The following UBE2E3 variants were observed in gnomAD, a reference collection of about 807,000 sequenced individuals.
UBE2E3 encodes the protein ubiquitin conjugating enzyme E2 E3, also known as ubiquitin-conjugating enzyme E2 E3.
In UBE2E3, 5 loss-of-function variants were observed where a neutral mutation model predicts 23.6. The ratio of observed to expected loss-of-function variants is 0.21; its 90% confidence interval spans 0.11 to 0.44. The LOEUF is 0.44. UBE2E3 is among the 20% of genes least tolerant of loss of function. The pLI, the probability that UBE2E3 is intolerant of heterozygous loss-of-function variation, is 0.99. For synonymous variants in UBE2E3, 78 were observed against 87.5 expected, an observed-to-expected ratio of 0.89 and a Z score of 0.60; for missense variants, 81 against 249.8, an observed-to-expected ratio of 0.32 and a Z score of 4.55.
intron 3 of UBE2E3, among the ~76,000 whole-genome samples, chr2:181,014,431 G>A (rs755834753): frequency 3.3e-5 from 5 of 152,122 alleles, no homozygotes; most frequent in Admixed American, 2.0e-4. Flanking sequence ...GAGTGTAAAC[G>A]GAGAGGATGA....
At chr2:181,053,011 T>C (rs1686887907) in intron 3 of UBE2E3, among the ~76,000 whole-genome samples, 1 of 151,890 alleles carries the variant, frequency 6.6e-6, no homozygotes, top group Admixed American at 6.6e-5. Flanking sequence ...CTTAGTCATT[T>C]CTTAGTCGTT....
intron 3 of UBE2E3, among the ~76,000 whole-genome samples, chr2:181,032,109 A>G (rs1359032080): frequency 6.6e-6 from 1 of 152,230 alleles, no homozygotes; most frequent in Non-Finnish European, 1.5e-5. Flanking sequence ...TCCCTGAAGA[A>G]GCAAAAGTTG....
intron 3 of UBE2E3, among the ~76,000 whole-genome samples, chr2:181,041,707 A>G (rs947112537): frequency 6.1e-4 from 5 of 8,154 alleles, no homozygotes; most frequent in Non-Finnish European, 8.0e-4. Flanking sequence ...GAGTGCTGGG[A>G]TTGATTACAG....
At chr2:180,990,108 T>A in intron 3 of UBE2E3, 1 of 989,270 alleles carries the variant, frequency 1.0e-6, no homozygotes, top group Non-Finnish European at 1.4e-6. Context: ...TTCAAACTTT[T>A]AACCTTTCTT....
In UBE2E3 at chr2:181,010,648, A is replaced by T. The variant is rs146377913; in HGVS notation, c.245+26555A>T. Among the ~76,000 whole-genome samples, 239 of 152,292 alleles carry T rather than the reference A, an allele frequency of 1.6e-3. 1 individual carries two copies. Among genetic ancestry groups the T allele is most frequent in the African/African-American group, 5.3e-3 (219 of 41,572 alleles). ...TTTTCCAAATGTCATCTTATACTTT[A>T]CTTTTTCTACATTTGTATAAACAGT... On this transcript the variant is annotated intron_variant, in intron 3 of 5. Coordinates refer to ENST00000410062, the MANE Select transcript of UBE2E3 (RefSeq NM_006357.4).
intron 3 of UBE2E3, among the ~76,000 whole-genome samples, chr2:181,018,562 T>A (rs1685569239): frequency 6.6e-6 from 1 of 151,560 alleles, no homozygotes; most frequent in Non-Finnish European, 1.5e-5. Flanking sequence ...GCCCTTTTTA[T>A]TTGCTGATCT....
At chr2:181,008,615 G>T (rs1053672298) in intron 3 of UBE2E3, among the ~76,000 whole-genome samples, 1 of 152,220 alleles carries the variant, frequency 6.6e-6, no homozygotes, top group Non-Finnish European at 1.5e-5. Flanking sequence ...GGCAGCCCCA[G>T]GTTCTAGCAG....
At chr2:181,034,142 A>G (rs1686182954) in intron 3 of UBE2E3, among the ~76,000 whole-genome samples, 1 of 152,224 alleles carries the variant, frequency 6.6e-6, no homozygotes, top group Non-Finnish European at 1.5e-5. Context: ...ATCTTGAACT[A>G]GAAATACCAT....
rs191422381 is a variant in UBE2E3 at position 181,058,741 on chromosome 2, C to G, written c.378+916C>G. Among the ~76,000 whole-genome samples, 293 of 151,792 alleles carry G rather than the reference C, an allele frequency of 1.9e-3. 2 individuals are homozygous for G. The highest frequency in any genetic ancestry group is 6.8e-3 in the African/African-American group (281 of 41,450). On this transcript the variant is annotated intron_variant, in intron 4 of 5. Coordinates refer to ENST00000410062, the MANE Select transcript of UBE2E3 (RefSeq NM_006357.4). ...TAGCCTGTGTGTATATGTATATGTGCACATAAACGGATTTATTTTGTGAAT... is the reference window on the plus strand; with the variant it reads ...TAGCCTGTGTGTATATGTATATGTGGACATAAACGGATTTATTTTGTGAAT...
intron 5 of UBE2E3, 59 bp from the exon 6 acceptor site, chr2:181,062,732 A>G: frequency 1.0e-6 from 1 of 977,568 alleles, no homozygotes; most frequent in South Asian, 1.5e-5. Context: ...AGAATATTAG[A>G]ACTATACCTT....
chr2:180,986,657 T>C (rs1684480352), intron 3 of UBE2E3, among the ~76,000 whole-genome samples: 1 of 152,124 alleles, frequency 6.6e-6, no homozygotes, highest in Non-Finnish European at 1.5e-5. Flanking sequence ...TGAATTCATA[T>C]TGCCTGAGAT....
chr2:181,015,608 G>T (rs542933339), intron 3 of UBE2E3, among the ~76,000 whole-genome samples: 9 of 152,106 alleles, frequency 5.9e-5, no homozygotes, highest in Admixed American at 5.9e-4. Flanking sequence ...AAGGTAAGAT[G>T]ATTTTTTACT....
chr2:180,989,896 C>A, intron 3 of UBE2E3: 1 of 1,547,588 alleles, frequency 6.5e-7, no homozygotes, highest in Non-Finnish European at 8.7e-7. Context: ...ATCAGCAAGT[C>A]TTGCATAGAG....
chr2:180,987,250 A>G lies in UBE2E3; in HGVS notation c.245+3157A>G, dbSNP rs1249009649. 7.0e-6 allele frequency: 10 copies of G among 1,423,966 alleles called. No individual in the cohort carries two copies. In the African/African-American group the frequency reaches 1.1e-4, roughly 16 times the overall value. 88.2% of individuals were successfully genotyped at this position (1,423,966 alleles called of 1,614,324 possible). On this transcript the variant is annotated intron_variant, in intron 3 of 5. Transcript: ENST00000410062. ...AGTCAAGGGAAATTGTGTTATGGGCATTTCCCTATTTGTATTTATTGAGAA... is the reference window on the plus strand; with the variant it reads ...AGTCAAGGGAAATTGTGTTATGGGCGTTTCCCTATTTGTATTTATTGAGAA...
intron 3 of UBE2E3, among the ~76,000 whole-genome samples, chr2:181,042,248 A>T (rs1686535577): frequency 6.6e-6 from 1 of 152,212 alleles, no homozygotes; most frequent in Admixed American, 6.5e-5. Context: ...AGCATTGCTC[A>T]GTCTTTCCTT....
Position 180,984,113 on chromosome 2 carries a change from GT to G in UBE2E3, c.245+24del. 6.2e-7 allele frequency: 1 copy of G among 1,602,594 alleles called. No homozygotes were observed. The highest frequency in any genetic ancestry group is 1.1e-5 in the South Asian group (1 of 89,484). ...TTGCAGGTAAGAAATGAATTTTGTT[GT>G]TTTGGTTTCAAATTGTGGAAAAATA... On this transcript the variant is annotated intron_variant, in intron 3 of 5. Transcript: ENST00000410062.
chr2:181,001,205 A>G (rs1684979065), intron 3 of UBE2E3, among the ~76,000 whole-genome samples: 2 of 152,206 alleles, frequency 1.3e-5, no homozygotes, highest in Non-Finnish European at 2.9e-5. Context: ...TTAAAGCTCT[A>G]GTGTTTTAGA....
chr2:181,008,143 G>A (rs1685207237), intron 3 of UBE2E3, among the ~76,000 whole-genome samples: 1 of 152,276 alleles, frequency 6.6e-6, no homozygotes, highest in East Asian at 1.9e-4. Context: ...GGATCTCTGC[G>A]GTATAGACAA....
intron 3 of UBE2E3, among the ~76,000 whole-genome samples, chr2:181,001,987 A>T (rs867730539): frequency 6.6e-6 from 1 of 152,212 alleles, no homozygotes; most frequent in African/African-American, 2.4e-5. Context: ...AAGAAGTTGT[A>T]GTTTTCCAGC....
Sources: gnomAD v4.1 joint callset for allele counts (sites outside exome capture counted in the v4.1 genomes callset) on GRCh38, gnomAD v4.1.1 for gene constraint, MANE v1.5 for transcripts, NCBI Gene and HGNC (gene_info 2026-07-23, HGNC 2026-07-21) for gene names.